The following ANKRD36C variants were observed in gnomAD, a reference collection of about 807,000 sequenced individuals.
ANKRD36C encodes ankyrin repeat domain 36C.
In ANKRD36C, 61 loss-of-function variants were observed where a neutral mutation model predicts 276.4. The ratio of observed to expected loss-of-function variants is 0.22; its 90% CI spans 0.18 to 0.27. ANKRD36C has a LOEUF of 0.27. Among genes scored for constraint, ANKRD36C ranks in the 10% least tolerant of loss-of-function variants. The pLI is 1.00. For missense variants in ANKRD36C, 1,447 were observed against 2,032.3 expected (o/e 0.71, Z 5.54); for synonymous variants, 483 against 680.1 (o/e 0.71, Z 4.51).
intron 6 of ANKRD36C, among the ~76,000 whole-genome samples, chr2:95,969,600 C>T (rs939000910): frequency 4.6e-5 from 7 of 152,134 alleles, no homozygotes; most frequent in Non-Finnish European, 7.3e-5. Context: ...TAACATCCAA[C>T]CAACAATATC....
chr2:95,852,824 C>T (rs1246930100), intron 64 of ANKRD36C: 3 of 152,242 alleles, frequency 2.0e-5, no homozygotes, highest in African/African-American at 4.8e-5. Context: ...AAATTAAAAT[C>T]GACAAAGTCA....
intron 44 of ANKRD36C, among the ~76,000 whole-genome samples, chr2:95,892,654 A>G (rs1432401004): frequency 4.6e-5 from 7 of 151,518 alleles, no homozygotes; most frequent in East Asian, 2.0e-4. Context: ...AATATTCACT[A>G]TAAATGACCA....
At chr2:95,991,206 A>C in intron 1 of ANKRD36C, among the ~76,000 whole-genome samples, 2 of 94,448 alleles carry the variant, frequency 2.1e-5, no homozygotes, top group African/African-American at 8.4e-5. Context: ...CCCTCACCCC[A>C]TCTCCCCACC....
chr2:95,928,519 T>A (rs1427020293), intron 26 of ANKRD36C, among the ~76,000 whole-genome samples: 1 of 151,588 alleles, frequency 6.6e-6, no homozygotes, highest in Non-Finnish European at 1.5e-5. Context: ...ATATTCTAAA[T>A]GCATCTGAAA....
chr2:95,986,027 C>A (rs1000692357), intron 3 of ANKRD36C, among the ~76,000 whole-genome samples: 7 of 152,156 alleles, frequency 4.6e-5, no homozygotes, highest in East Asian at 1.9e-4. Context: ...TCACTGCCAA[C>A]CTGGTTTCCT....
In ANKRD36C at chr2:95,851,207, C is replaced by A. The variant is rs979599857; in HGVS notation, c.5314-12G>T. 6.6e-7 allele frequency: 1 copy of A among 1,511,180 alleles called. No individual in the cohort carries two copies. The highest frequency in any genetic ancestry group is 1.4e-5 in the African/African-American group (1 of 73,712). The allele number at this position is 1,511,180 out of a possible 1,614,324, so 93.6% of individuals were successfully genotyped here. A position where few individuals can be genotyped will look rare whatever the true frequency, so the allele number is the denominator to read the frequency against. ...AACACCTGCAGCATCTGAAATAAAT[C>A]AAATATTACTTATAATGTTTCAGTC... On this transcript the variant is annotated splice_polypyrimidine_tract_variant and intron_variant, in intron 66 of 66. Coordinates refer to ENST00000456556, the Ensembl canonical transcript of ANKRD36C.
At chr2:95,858,844 C>T (rs1277898043) in intron 61 of ANKRD36C, among the ~76,000 whole-genome samples, 4 of 151,964 alleles carry the variant, frequency 2.6e-5, no homozygotes, top group African/African-American at 7.3e-5. Context: ...TACTTTATAA[C>T]CAATTGTAAA....
chr2:95,929,040 A>C, intron 26 of ANKRD36C, 32 bp downstream of exon 26: 1 of 1,600,546 alleles, frequency 6.2e-7, no homozygotes, highest in Non-Finnish European at 8.5e-7. Flanking sequence ...ATCTTGATTG[A>C]ACATGACATT....
At chr2:95,960,127 C>G (rs1292473539) in intron 10 of ANKRD36C, among the ~76,000 whole-genome samples, 1 of 152,012 alleles carries the variant, frequency 6.6e-6, no homozygotes, top group Non-Finnish European at 1.5e-5. Flanking sequence ...GATCAGGCGC[C>G]TATAATTTCT....
chr2:95,852,403 A>G (rs2104236446), intron 64 of ANKRD36C: 2 of 537,452 alleles, frequency 3.7e-6, no homozygotes, highest in East Asian at 6.8e-5. Flanking sequence ...TTCAGTCTGC[A>G]TATTGTTCAT....
At chr2:95,884,991 C>T (rs1362899157) in intron 52 of ANKRD36C, among the ~76,000 whole-genome samples, 1 of 151,976 alleles carries the variant, frequency 6.6e-6, no homozygotes, top group Non-Finnish European at 1.5e-5. Context: ...TGTATCCACT[C>T]GTTTAGCTTT....
intron 19 of ANKRD36C, 122 bp downstream of exon 19, chr2:95,944,505 A>G: frequency 9.5e-7 from 1 of 1,051,838 alleles, no homozygotes; most frequent in African/African-American, 1.6e-5. Flanking sequence ...TGGGAAAACT[A>G]TTTTCCAAAT....
intron 14 of ANKRD36C, among the ~76,000 whole-genome samples, chr2:95,953,414 G>A (rs1678249818): frequency 6.6e-6 from 1 of 151,870 alleles, no homozygotes; most frequent in Non-Finnish European, 1.5e-5. Context: ...TACAGAGCCA[G>A]GAATAAAAAT....
chr2:95,943,327 T>TA (rs1351197728), intron 19 of ANKRD36C, among the ~76,000 whole-genome samples: 4 of 147,918 alleles, frequency 2.7e-5, no homozygotes, highest in Middle Eastern at 3.4e-3. Context: ...ACTAAAAATA[T>TA]AAAAAAAATT....
chr2:95,961,655 C>G (rs1384143530), intron 8 of ANKRD36C, among the ~76,000 whole-genome samples: 1 of 150,562 alleles, frequency 6.6e-6, no homozygotes. Flanking sequence ...ATAGCTAATA[C>G]CAACAAAACA....
At chr2:95,936,209 AC>A (rs1359439852) in intron 22 of ANKRD36C, among the ~76,000 whole-genome samples, 14 of 150,848 alleles carry the variant, frequency 9.3e-5, no homozygotes, top group African/African-American at 3.2e-4. Context: ...AACAAATCTA[AC>A]CAAAATATTT....
At chr2:95,943,307 C>T (rs932914436) in intron 19 of ANKRD36C, among the ~76,000 whole-genome samples, 70 of 152,226 alleles carry the variant, frequency 4.6e-4, no homozygotes, top group African/African-American at 1.6e-3. Context: ...CACAGTGAAA[C>T]CCCGTCTCTA....
chr2:95,875,976 G>C (rs770475470), intron 59 of ANKRD36C: 37 of 442,880 alleles, frequency 8.4e-5, no homozygotes, highest in Non-Finnish European at 9.0e-6. Flanking sequence ...AGAAACTGAA[G>C]TCAGAGATCA....
intron 19 of ANKRD36C, among the ~76,000 whole-genome samples, chr2:95,941,642 G>C (rs1319320554): frequency 6.6e-6 from 1 of 152,298 alleles, no homozygotes; most frequent in African/African-American, 2.4e-5. Flanking sequence ...GACAGAGAAA[G>C]TGGAGTGGAG....
Sources: gnomAD v4.1 joint callset for allele counts (sites outside exome capture counted in the v4.1 genomes callset) on GRCh38, gnomAD v4.1.1 for gene constraint, MANE v1.5 for transcripts, NCBI Gene and HGNC (gene_info 2026-07-23, HGNC 2026-07-21) for gene names.